The following MSI2 variants were observed in gnomAD, a reference collection of about 807,000 sequenced individuals.
MSI2 encodes the protein musashi RNA binding protein 2, also known as RNA-binding protein Musashi homolog 2.
In MSI2, 17 loss-of-function variants were observed where a neutral mutation model predicts 45.6. That is an observed-to-expected ratio of 0.37 (90% CI 0.26 to 0.56). The LOEUF is 0.56. MSI2 is among the 20% of genes least tolerant of loss of function. The pLI, the probability that MSI2 is intolerant of heterozygous loss-of-function variation, is 0.77. For missense variants in MSI2, 293 were observed against 444.2 expected (o/e 0.66, Z 3.06); for synonymous variants, 156 against 158.2 (o/e 0.99, Z 0.11).
intron 6 of MSI2, among the ~76,000 whole-genome samples, chr17:57,434,194 G>A (rs576547004): frequency 2.0e-5 from 3 of 152,018 alleles, no homozygotes; most frequent in Non-Finnish European, 4.4e-5. Flanking sequence ...CCGCCTCCTG[G>A]GTCCAAGCAA....
intron 6 of MSI2, among the ~76,000 whole-genome samples, chr17:57,415,606 G>A (rs759428548): frequency 2.6e-5 from 4 of 152,106 alleles, no homozygotes; most frequent in African/African-American, 4.8e-5. Context: ...TGGCACATGG[G>A]TATTTAATGA....
intron 8 of MSI2, among the ~76,000 whole-genome samples, chr17:57,598,769 TCTC>T (rs1567926541): frequency 6.6e-6 from 1 of 152,132 alleles, no homozygotes; most frequent in Non-Finnish European, 1.5e-5. Context: ...CTCAAGCAAT[TCTC>T]CTGCCTCAGC....
intron 7 of MSI2, among the ~76,000 whole-genome samples, chr17:57,545,499 T>C (rs2087144462): frequency 1.3e-5 from 2 of 152,142 alleles, no homozygotes; most frequent in Non-Finnish European, 2.9e-5. Context: ...TTGCAGCAGC[T>C]ATGGCAGCCG....
At chr17:57,373,964 C>G (rs1598184114) in intron 5 of MSI2, among the ~76,000 whole-genome samples, 1 of 152,166 alleles carries the variant, frequency 6.6e-6, no homozygotes, top group African/African-American at 2.4e-5. Flanking sequence ...AACAGAAAGG[C>G]TTATGGCGAG....
chr17:57,699,608 T>C, the MSI2 span, among the ~76,000 whole-genome samples: 18 of 152,176 alleles, frequency 1.2e-4, no homozygotes, highest in African/African-American at 3.6e-4. Flanking sequence ...AGTTCTTTGA[T>C]GGTCAGAATT....
chr17:57,271,308 A>G (rs1465792760), intron 5 of MSI2, among the ~76,000 whole-genome samples: 1 of 152,156 alleles, frequency 6.6e-6, no homozygotes, highest in East Asian at 1.9e-4. Flanking sequence ...CTTTTATGGC[A>G]GGGGAGGATT....
intron 10 of MSI2, chr17:57,630,166 G>A (rs1909214562): frequency 6.7e-6 from 1 of 149,204 alleles, no homozygotes; most frequent in African/African-American, 2.4e-5. Context: ...CCAAAGCCAA[G>A]ACTTTGGGAA....
chr17:57,293,397 C>T (rs1269210579), intron 5 of MSI2, among the ~76,000 whole-genome samples: 3 of 152,154 alleles, frequency 2.0e-5, no homozygotes, highest in Non-Finnish European at 1.5e-5. Context: ...CTGCTCTGAA[C>T]GCCTGAGCAC....
chr17:57,580,031 A>G (rs1291519624), intron 7 of MSI2, among the ~76,000 whole-genome samples: 1 of 151,850 alleles, frequency 6.6e-6, no homozygotes, highest in Non-Finnish European at 1.5e-5. Flanking sequence ...AAACCTTTAC[A>G]TTACTGGGTA....
At chr17:57,293,159 A>G (rs1479200791) in intron 5 of MSI2, among the ~76,000 whole-genome samples, 1 of 151,582 alleles carries the variant, frequency 6.6e-6, no homozygotes, top group Non-Finnish European at 1.5e-5. Flanking sequence ...CCCAGTGCCC[A>G]TGGTTTTCAG....
intron 5 of MSI2, among the ~76,000 whole-genome samples, chr17:57,343,599 C>G (rs1417966964): frequency 6.6e-6 from 1 of 152,112 alleles, no homozygotes; most frequent in Non-Finnish European, 1.5e-5. Context: ...CTTCAGAAAT[C>G]CAGCATTGAT....
At chr17:57,672,154 T>C (rs922669147) in intron 11 of MSI2, among the ~76,000 whole-genome samples, 2 of 152,204 alleles carry the variant, frequency 1.3e-5, no homozygotes, top group African/African-American at 4.8e-5. Context: ...GAGCTGAGGC[T>C]CCGGCACCGT....
intron 5 of MSI2, among the ~76,000 whole-genome samples, chr17:57,310,970 AC>A (rs1912350229): frequency 6.6e-6 from 1 of 152,336 alleles, no homozygotes; most frequent in Non-Finnish European, 1.5e-5. Flanking sequence ...AAAAGGAATA[AC>A]ACCATTTTTT....
rs1290682739 is a variant in MSI2, at chr17:57,611,355, C to T, written c.538-4615C>T. On this transcript the variant is annotated intron_variant, in intron 8 of 13. Coordinates refer to ENST00000284073, the MANE Select transcript of MSI2 (RefSeq NM_138962.4). ...TACAGTGGGAAGGGAGCCCCCGTGC[C>T]CTGCCCTCTGCCCTGTGGTGAGAGC... Among the ~76,000 whole-genome samples the T allele has an allele frequency of 4.2e-5, 4 of 95,970 alleles. 1 individual carries two copies. Among genetic ancestry groups the T allele is most frequent in the African/African-American group, 1.3e-4 (4 of 30,900 alleles). The allele number at this position is 95,970 out of a possible 152,430, so 63.0% of individuals were successfully genotyped here.
intron 8 of MSI2, among the ~76,000 whole-genome samples, chr17:57,599,248 G>A (rs771515826): frequency 1.3e-5 from 2 of 152,202 alleles, no homozygotes; most frequent in African/African-American, 2.4e-5. Context: ...AAACAAACCC[G>A]AGACACAGAT....
intron 5 of MSI2, among the ~76,000 whole-genome samples, chr17:57,351,156 G>A (rs537872097): frequency 2.6e-5 from 4 of 152,154 alleles, no homozygotes; most frequent in East Asian, 1.9e-4. Flanking sequence ...AAGCCCAACC[G>A]GAAACCAGGA....
intron 5 of MSI2, among the ~76,000 whole-genome samples, chr17:57,314,486 G>A: frequency 6.6e-6 from 1 of 151,934 alleles, no homozygotes; most frequent in East Asian, 1.9e-4. Context: ...GGGTGTAAGA[G>A]TGGGCAGTGG....
At chr17:57,276,711 G>A (rs756474579) in intron 5 of MSI2, among the ~76,000 whole-genome samples, 2 of 152,138 alleles carry the variant, frequency 1.3e-5, no homozygotes, top group Non-Finnish European at 2.9e-5. Flanking sequence ...GTAAGTAAAG[G>A]TCATCTCTCT....
At chr17:57,403,102 C>T (rs1278457421) in intron 6 of MSI2, among the ~76,000 whole-genome samples, 1 of 152,156 alleles carries the variant, frequency 6.6e-6, no homozygotes, top group African/African-American at 2.4e-5. Flanking sequence ...TGTTTGCAAA[C>T]ATGAAGTGGG....
Sources: allele counts gnomAD v4.1 joint callset (sites outside exome capture counted in the v4.1 genomes callset), GRCh38; gene constraint gnomAD v4.1.1; transcripts MANE v1.5; gene names NCBI Gene and HGNC (gene_info 2026-07-23, HGNC 2026-07-21).